The following PARG variants were observed in gnomAD, a reference collection of about 807,000 sequenced individuals.
PARG encodes the protein poly(ADP-ribose) glycohydrolase, also known as mitochondrial poly(ADP-ribose) glycohydrolase.
Under a neutral mutation model 113.0 loss-of-function variants are expected in PARG, and 35 were observed. The ratio of observed to expected loss-of-function variants is 0.31; its 90% CI spans 0.24 to 0.41. PARG has a LOEUF of 0.41. PARG is among the 10% of genes least tolerant of loss of function. PARG has a pLI of 1.00. For synonymous variants in PARG, 330 were observed against 409.9 expected, an observed-to-expected ratio of 0.81 and a Z score of 2.36; for missense variants, 797 against 1,169.4, an observed-to-expected ratio of 0.68 and a Z score of 4.64.
At chr10:49,832,739 G>T in intron 16 of PARG, 64 bp downstream of exon 16, 1 of 826,698 alleles carries the variant, frequency 1.2e-6, no homozygotes, top group Non-Finnish European at 2.0e-6. Context: ...TGAGAAATCT[G>T]GTTTGAAGGA....
chr10:49,885,413 G>A (rs1203314312), intron 7 of PARG, 118 bp from the exon 8 acceptor site: 2 of 643,466 alleles, frequency 3.1e-6, no homozygotes, highest in East Asian at 5.5e-5. Context: ...CCCATAAAGT[G>A]GCACCCTATC....
chr10:49,836,242 C>T (rs531446758), intron 15 of PARG, among the ~76,000 whole-genome samples: 3 of 145,340 alleles, frequency 2.1e-5, no homozygotes, highest in South Asian at 2.3e-4. Context: ...ACTTCTTTAA[C>T]TTAATACACA....
chr10:49,825,986 T>C (rs1554829325), intron 16 of PARG, among the ~76,000 whole-genome samples: 1 of 152,186 alleles, frequency 6.6e-6, no homozygotes, highest in Non-Finnish European at 1.5e-5. Flanking sequence ...CAATATCAGT[T>C]GAGCATCTCA....
intron 15 of PARG, 191 bp from the exon 16 acceptor site, chr10:49,833,099 A>C (rs1480883782): frequency 2.5e-6 from 1 of 402,876 alleles, no homozygotes; most frequent in African/African-American, 2.1e-5. Context: ...TATGCAAGGA[A>C]GAGACTAAGA....
Position 49,937,639 on chromosome 10 carries a change from G to A in PARG, c.218-2497C>T, listed in dbSNP as rs1225280309. Among the ~76,000 whole-genome samples, 4 of 152,284 alleles carry A rather than the reference G, an allele frequency of 2.6e-5. No homozygotes were observed. In the South Asian group the frequency reaches 8.3e-4, roughly 32 times the overall value. ...ACACACACGAAGCACGTACTCCTGT[G>A]ATAAGTCTACAGAACCTAAAGACTG... On this transcript the variant is annotated intron_variant, in intron 1 of 17. Coordinates refer to ENST00000616448, the MANE Select transcript of PARG (RefSeq NM_003631.5).
rs1255704424 is a variant in PARG, at chr10:49,917,126, G to C, written c.1663-1135C>G. On this transcript the variant is annotated intron_variant, in intron 6 of 17. Coordinates refer to ENST00000616448, the MANE Select transcript of PARG (RefSeq NM_003631.5). ...AAAAGAAAAATCTTCCCTAAAATAA[G>C]ATAGCCAGAAAGAGTGAAAGAGTCT... Among the ~76,000 whole-genome samples, 3 of 152,284 alleles carry C rather than the reference G, an allele frequency of 2.0e-5. No individual in the cohort carries two copies. The East Asian group carries it at 5.8e-4, about 29-fold the overall frequency.
intron 2 of PARG, 35 bp downstream of exon 2, chr10:49,935,041 A>G: frequency 1.4e-6 from 1 of 698,376 alleles, no homozygotes. Context: ...TCCATGTATT[A>G]TTATTCATTT....
At chr10:49,849,861 A>C (rs1289085309) in intron 13 of PARG, among the ~76,000 whole-genome samples, 1 of 151,578 alleles carries the variant, frequency 6.6e-6, no homozygotes, top group Non-Finnish European at 1.5e-5. Flanking sequence ...GAAAATTAAA[A>C]AAAAAAGTTA....
At chr10:49,834,085 A>G (rs1345279825) in intron 15 of PARG, among the ~76,000 whole-genome samples, 1 of 152,170 alleles carries the variant, frequency 6.6e-6, no homozygotes, top group Non-Finnish European at 1.5e-5. Context: ...ATTATTCAAC[A>G]CTGTGGTATA....
chr10:49,837,729 C>T (rs1845014199), intron 15 of PARG, among the ~76,000 whole-genome samples: 1 of 152,038 alleles, frequency 6.6e-6, no homozygotes, highest in Non-Finnish European at 1.5e-5. Flanking sequence ...AAAACTAATT[C>T]CTTGTTAAAA....
At chr10:49,908,696 C>T (rs1344047622) in intron 7 of PARG, among the ~76,000 whole-genome samples, 2 of 151,984 alleles carry the variant, frequency 1.3e-5, no homozygotes, top group African/African-American at 2.4e-5. Flanking sequence ...AGATTATCTA[C>T]GAAGAATGTT....
chr10:49,831,564 G>A lies in PARG; in HGVS notation c.2647+1239C>T, dbSNP rs201411026. The stretch of plus-strand genomic sequence containing the variant: ...CGGGAGTCAGGGGAGGGCAGAGACC[G>A]AGCTCAATCATGTGGCCAATGATTT... On this transcript the variant is annotated intron_variant, in intron 16 of 17. Transcript: ENST00000616448. 5.3e-5 allele frequency among the ~76,000 whole-genome samples: 8 copies of A among 152,270 alleles called. No individual in the cohort carries two copies. The South Asian group carries it at 1.5e-3, about 28-fold the overall frequency.
intron 7 of PARG, among the ~76,000 whole-genome samples, chr10:49,891,610 TATATATATATA>T (rs1564635889): frequency 8.0e-4 from 40 of 49,918 alleles, no homozygotes; most frequent in African/African-American, 4.9e-3. Context: ...TATATATATA[TATATATATATA>T]TATTTTTTTT....
chr10:49,862,049 T>C (rs1279026125), intron 11 of PARG, among the ~76,000 whole-genome samples: 2 of 151,726 alleles, frequency 1.3e-5, no homozygotes, highest in Non-Finnish European at 2.9e-5. Context: ...TATGATTCTC[T>C]TCTGGCTTCC....
chr10:49,873,241 T>C (rs1169708585), intron 9 of PARG, among the ~76,000 whole-genome samples: 1 of 55,828 alleles, frequency 1.8e-5, no homozygotes, highest in African/African-American at 7.4e-5. Flanking sequence ...ATACCTCTCT[T>C]TTGAGATTAA....
At chr10:49,920,348 C>A (rs1374430330) in intron 6 of PARG, among the ~76,000 whole-genome samples, 28 of 149,522 alleles carry the variant, frequency 1.9e-4, no homozygotes, top group Admixed American at 1.7e-3. Flanking sequence ...ACTCAGGAGG[C>A]TGAGATGAGG....
rs531583912 is a variant in PARG, at chr10:49,846,588, T to C, written c.2354-2956A>G. Among the ~76,000 whole-genome samples, 310 of 152,320 alleles carry C rather than the reference T, an allele frequency of 2.0e-3. 2 individuals carry two copies. Among genetic ancestry groups the C allele is most frequent in the Admixed American group, 4.8e-3 (74 of 15,294 alleles). On this transcript the variant is annotated intron_variant, in intron 13 of 17. Coordinates refer to ENST00000616448, the MANE Select transcript of PARG (RefSeq NM_003631.5). ...AAGTTCTGAAATCACCTTTTGTATATATTAGGCTTAAACAAACGAGAAAAA... is the reference window on the plus strand; with the variant it reads ...AAGTTCTGAAATCACCTTTTGTATACATTAGGCTTAAACAAACGAGAAAAA...
At chr10:49,917,406 T>C (rs575587481) in intron 6 of PARG, among the ~76,000 whole-genome samples, 1 of 151,008 alleles carries the variant, frequency 6.6e-6, no homozygotes, top group Admixed American at 6.6e-5. Flanking sequence ...GGAGACTCAC[T>C]TGAACCAGGG....
intron 13 of PARG, among the ~76,000 whole-genome samples, chr10:49,850,549 A>C (rs1239579062): frequency 7.9e-5 from 12 of 152,222 alleles, no homozygotes; most frequent in Non-Finnish European, 1.6e-4. Flanking sequence ...CTTGCCTGAT[A>C]GGAACCAAGA....
Sources: gnomAD v4.1 joint callset for allele counts (sites outside exome capture counted in the v4.1 genomes callset) on GRCh38, gnomAD v4.1.1 for gene constraint, MANE v1.5 for transcripts, NCBI Gene and HGNC (gene_info 2026-07-23, HGNC 2026-07-21) for gene names.